The following PI4KB variants were observed in gnomAD, a reference collection of about 807,000 sequenced individuals.
PI4KB encodes the protein phosphatidylinositol 4-kinase beta.
Under a neutral mutation model 81.4 loss-of-function variants are expected in PI4KB, and 23 were observed. That is an observed-to-expected ratio of 0.28 (90% CI 0.20 to 0.40). The LOEUF is 0.40. Among genes scored for constraint, PI4KB ranks in the 10% least tolerant of loss-of-function variants. The pLI, the probability that PI4KB is intolerant of heterozygous loss-of-function variation, is 1.00. For synonymous variants in PI4KB, 381 were observed against 406.8 expected, an observed-to-expected ratio of 0.94 and a Z score of 0.76; for missense variants, 651 against 1,036.6, an observed-to-expected ratio of 0.63 and a Z score of 5.11.
chr1:151,319,875 A>C (rs1032353855), intron 1 of PI4KB, among the ~76,000 whole-genome samples: 3 of 152,224 alleles, frequency 2.0e-5, no homozygotes, highest in African/African-American at 7.2e-5. Context: ...AGGTAATTTC[A>C]AAATATTAGT....
chr1:151,294,593 G>A lies in PI4KB; in HGVS notation c.2016-52C>T, dbSNP rs142234366. The stretch of plus-strand genomic sequence containing the variant: ...AGAGGCAGTAGTCAGTCTGACTGAG[G>A]CTGGAACCTTAAGCAGCAATACACT... On this transcript the variant is annotated intron_variant, in intron 9 of 11. Transcript: ENST00000368873. The A allele has an allele frequency of 3.3e-3, 5,241 of 1,592,598 alleles. 22 individuals carry two copies. The highest frequency in any genetic ancestry group is 6.3e-3 in the Middle Eastern group (35 of 5,566).
At position 151,292,987 on chromosome 1, in the gene PI4KB, G is replaced by A; in HGVS notation, c.2316C>T (p.Leu772=). 1.9e-6 allele frequency: 3 copies of A among 1,614,164 alleles called. No individual in the cohort carries two copies. The highest frequency in any genetic ancestry group is 1.7e-6 in the Non-Finnish European group (2 of 1,180,022). ...TCATGCTCATGTGGAACCTCTCTTT[G>A]AGGTTTCGAATGGTGCTGGAGCCAT... The part of the protein sequence containing the change: ...CFHGSSTIRN[L]KERFHMSMTE... Residue 772 remains leucine (L), a synonymous_variant, in exon 12 of 12, where the codon CTC becomes CTT. Transcript: ENST00000368873.
chr1:151,294,087 G>A lies in PI4KB; in HGVS notation c.2200C>T (p.Leu734=). The A allele has an allele frequency of 1.9e-6, 3 of 1,614,088 alleles. No individual in the cohort carries two copies. The highest frequency in any genetic ancestry group is 2.5e-6 in the Non-Finnish European group (3 of 1,179,974). ...TTCCGAGCGGCAATCAGCCCTTGCAGCATCAGCATCTTATAGTAGTTGAAC... is the reference window on the plus strand; with the variant it reads ...TTCCGAGCGGCAATCAGCCCTTGCAACATCAGCATCTTATAGTAGTTGAAC... ...DMFNYYKMLM[L]QGLIAARKHM... The change falls in exon 11 of 12, where the codon CTG becomes TTG. Residue 734 remains leucine (L), a synonymous_variant. Coordinates refer to ENST00000368873, the MANE Select transcript of PI4KB (RefSeq NM_001369623.2).
In PI4KB at chr1:151,292,123, GAC is replaced by G. The variant is rs1390723711; in HGVS notation, c.*727_*728del. The G allele has an allele frequency of 6.6e-6, 1 of 152,286 alleles. No homozygotes were observed. Among genetic ancestry groups the G allele is most frequent in the Non-Finnish European group, 1.5e-5 (1 of 68,136 alleles). 9.4% of individuals were successfully genotyped at this position (152,286 alleles called of 1,614,324 possible). On this transcript the variant is annotated 3_prime_UTR_variant, in exon 12 of 12. Coordinates refer to ENST00000368873, the MANE Select transcript of PI4KB (RefSeq NM_001369623.2). ...GCACTCCCCCAGAAAACCTGGAAATGACACAAGTGGCTAACTAAGGACTTTAT... is the reference window on the plus strand; with the variant it reads ...GCACTCCCCCAGAAAACCTGGAAATGACAAGTGGCTAACTAAGGACTTTAT...
chr1:151,315,724 T>A lies in PI4KB; in HGVS notation c.758A>T (p.Glu253Val). 6.2e-7 allele frequency: 1 copy of A among 1,614,076 alleles called. No homozygotes were observed. The highest frequency in any genetic ancestry group is 8.5e-7 in the Non-Finnish European group (1 of 1,179,994). Residue 253 changes from glutamate to valine, a missense_variant, in exon 2 of 12, where the codon GAG becomes GTG. By Grantham distance (121) the Glu-to-Val change is moderately radical. This residue lies in a region of PI4KB where 314 missense variants were observed against 397.8 expected (regional missense o/e 0.79). Coordinates refer to ENST00000368873, the MANE Select transcript of PI4KB (RefSeq NM_001369623.2). ...AGGGGCCGGGCTCAAGGAGGGCAGCTCCCTCTTCCTGTGAGCTGGCTTTAG... is the reference window on the plus strand; with the variant it reads ...AGGGGCCGGGCTCAAGGAGGGCAGCACCCTCTTCCTGTGAGCTGGCTTTAG... ...DELKPAHRKR[E>V]LPSLSPAPDT... is the part of the protein sequence containing the mutation.
At chr1:151,319,904 G>A (rs746482855) in intron 1 of PI4KB, among the ~76,000 whole-genome samples, 2 of 152,172 alleles carry the variant, frequency 1.3e-5, no homozygotes, top group African/African-American at 4.8e-5. Flanking sequence ...CTTCAACCCC[G>A]GTGACCCTGG....
chr1:151,325,116 G>C (rs971282348), intron 1 of PI4KB, among the ~76,000 whole-genome samples: 2 of 151,262 alleles, frequency 1.3e-5, no homozygotes, highest in Non-Finnish European at 2.9e-5. Context: ...TTCAGCCTCC[G>C]GAGTAGCTGG....
upstream of PI4KB, chr1:151,327,644 T>G: frequency 2.8e-6 from 1 of 356,570 alleles, no homozygotes. Context: ...ACCCTACCGA[T>G]TCCATAGTAA....
At chr1:151,296,474 C>CTT (rs112982041) in intron 9 of PI4KB, among the ~76,000 whole-genome samples, 4 of 143,300 alleles carry the variant, frequency 2.8e-5, no homozygotes, top group East Asian at 4.1e-4. Flanking sequence ...TGCTAGATTT[C>CTT]TTTTTTTTTT....
At chr1:151,300,161 G>A (rs763942137) in intron 8 of PI4KB, among the ~76,000 whole-genome samples, 8 of 152,224 alleles carry the variant, frequency 5.3e-5, no homozygotes, top group Non-Finnish European at 1.2e-4. Context: ...TTCACCTTGA[G>A]ATTTGACAGC....
Position 151,292,626 on chromosome 1 carries a change from G to C in PI4KB, c.*226C>G, listed in dbSNP as rs1694390810. The C allele has an allele frequency of 1.8e-6, 1 of 567,294 alleles. No individual in the cohort carries two copies. Among genetic ancestry groups the C allele is most frequent in the Non-Finnish European group, 3.2e-6 (1 of 317,344 alleles). The allele number at this position is 567,294 out of a possible 1,614,324, so 35.1% of individuals were successfully genotyped here. ...TCAGTCTGGTGGTAATACTGACACA[G>C]ACCAGGAGGGGCAGGGAAGCCCCAA... On this transcript the variant is annotated 3_prime_UTR_variant, in exon 12 of 12. Transcript: ENST00000368873.
intron 1 of PI4KB, among the ~76,000 whole-genome samples, chr1:151,319,547 G>A (rs550614531): frequency 3.0e-3 from 456 of 152,266 alleles, no homozygotes; most frequent in Middle Eastern, 0.014. Context: ...ATAGATCTAG[G>A]CCTTCCAAAG....
In PI4KB at chr1:151,292,781, G is replaced by C. The variant is rs1408698958; in HGVS notation, c.*71C>G. 7.1e-7 allele frequency: 1 copy of C among 1,413,392 alleles called. No homozygotes were observed. Among genetic ancestry groups the C allele is most frequent in the African/African-American group, 1.4e-5 (1 of 70,030 alleles). 87.6% of individuals were successfully genotyped at this position (1,413,392 alleles called of 1,614,324 possible). On this transcript the variant is annotated 3_prime_UTR_variant, in exon 12 of 12. Transcript: ENST00000368873. ...TGGGTAGGTGGGGTTTCCTGGTTTG[G>C]GGTTTCTCAGACAAGGGCCCTCTAG...
intron 1 of PI4KB, chr1:151,326,486 G>A: frequency 1.1e-5 from 4 of 380,924 alleles, no homozygotes; most frequent in Non-Finnish European, 1.4e-5. Context: ...CTCGAGGGAG[G>A]TGTCAAAGTT....
At chr1:151,302,092 A>C (rs928036016) in intron 7 of PI4KB, 102 bp downstream of exon 7, 52 of 1,573,272 alleles carry the variant, frequency 3.3e-5, no homozygotes, top group Non-Finnish European at 4.4e-5. Flanking sequence ...TGGAAGCCTG[A>C]CAGATTTTTT....
At chr1:151,306,990 G>A (rs587673949) in intron 4 of PI4KB, among the ~76,000 whole-genome samples, 1 of 152,224 alleles carries the variant, frequency 6.6e-6, no homozygotes, top group East Asian at 1.9e-4. Context: ...CAGGAGAATC[G>A]CTTGAACCTG....
At chr1:151,309,426 A>G (rs927955316) in intron 3 of PI4KB, among the ~76,000 whole-genome samples, 12 of 152,200 alleles carry the variant, frequency 7.9e-5, no homozygotes, top group African/African-American at 2.9e-4. Flanking sequence ...TCATGACTGA[A>G]AGGGGATTAG....
intron 1 of PI4KB, among the ~76,000 whole-genome samples, chr1:151,317,169 T>A (rs975639720): frequency 6.7e-6 from 1 of 148,318 alleles, no homozygotes; most frequent in Admixed American, 6.8e-5. Context: ...AGACAAGGTC[T>A]TGCTCTGTTA....
intron 5 of PI4KB, among the ~76,000 whole-genome samples, chr1:151,304,343 GTTT>G (rs587741967): frequency 2.2e-5 from 3 of 135,276 alleles, no homozygotes; most frequent in Admixed American, 1.5e-4. Context: ...CTGGCTGTGT[GTTT>G]TTTTTTTTTT....
Sources: allele counts gnomAD v4.1 joint callset (sites outside exome capture counted in the v4.1 genomes callset), GRCh38; gene constraint gnomAD v4.1.1; regional missense constraint gnomAD v4.1.1; transcripts MANE v1.5; gene names NCBI Gene and HGNC (gene_info 2026-07-23, HGNC 2026-07-21).